Variants in PTPN11 observed in about 807,000 individuals in gnomAD.
PTPN11 encodes the protein tyrosine-protein phosphatase non-receptor type 11.
Under a neutral mutation model 78.8 loss-of-function variants are expected in PTPN11, and 6 were observed. The ratio of observed to expected loss-of-function variants is 0.08; its 90% CI spans 0.04 to 0.15. The LOEUF is 0.15. PTPN11 is among the 10% of genes least tolerant of loss of function. The pLI is 1.00. For missense variants in PTPN11, 386 were observed against 744.8 expected (o/e 0.52, Z 5.61); for synonymous variants, 221 against 263.5 (o/e 0.84, Z 1.56).
In PTPN11 at chr12:112,454,566, A is replaced by G. The variant is rs775493749; in HGVS notation, c.528A>G (p.Glu176=). 2.1e-5 allele frequency: 33 copies of G among 1,609,054 alleles called. No homozygotes were observed. The highest frequency in any genetic ancestry group is 1.1e-5 in the South Asian group (1 of 90,976). Reference sequence around the variant, plus strand: ...ATGTCATGTGTTTATCTTGAAAGGAACTGAAATACGACGTTGGTGGAGGAG... The same window carrying G: ...ATGTCATGTGTTTATCTTGAAAGGAGCTGAAATACGACGTTGGTGGAGGAG... The part of the protein sequence containing the change: ...KVTHVMIRCQ[E]LKYDVGGGER... The change falls in exon 5 of 16, where the codon GAA becomes GAG. Residue 176 remains glutamate (E), a splice_region_variant and synonymous_variant. Transcript: ENST00000351677.
chr12:112,469,396 G>A (rs1433086576), intron 6 of PTPN11, among the ~76,000 whole-genome samples: 1 of 151,654 alleles, frequency 6.6e-6, no homozygotes, highest in Non-Finnish European at 1.5e-5. Context: ...GAATGCCCCA[G>A]TATCTAGGTA....
intron 5 of PTPN11, chr12:112,454,906 G>C: frequency 1.8e-6 from 1 of 554,526 alleles, no homozygotes; most frequent in South Asian, 1.7e-5. Flanking sequence ...TACAACCTCT[G>C]CTTCCTGGGT....
At chr12:112,434,697 G>A (rs947664707) in intron 1 of PTPN11, among the ~76,000 whole-genome samples, 3 of 152,118 alleles carry the variant, frequency 2.0e-5, no homozygotes, top group African/African-American at 7.2e-5. Context: ...TGTGTGTGTC[G>A]AGTGTGTTTC....
At chr12:112,502,892 G>A (rs1300052908) in intron 14 of PTPN11, among the ~76,000 whole-genome samples, 3 of 152,202 alleles carry the variant, frequency 2.0e-5, no homozygotes, top group African/African-American at 7.2e-5. Flanking sequence ...TGTAACAAAG[G>A]AAGGTCATAT....
intron 13 of PTPN11, among the ~76,000 whole-genome samples, chr12:112,499,988 A>G (rs530697188): frequency 6.6e-6 from 1 of 151,514 alleles, no homozygotes; most frequent in South Asian, 2.1e-4. Context: ...TCAGGCCTGT[A>G]ACCCCAGCAC....
chr12:112,445,108 C>T (rs769829896), intron 1 of PTPN11, among the ~76,000 whole-genome samples: 1 of 151,988 alleles, frequency 6.6e-6, no homozygotes, highest in African/African-American at 2.4e-5. Context: ...TACACATACA[C>T]ATACCCCGAA....
chr12:112,480,518 A>G (rs1345630643), intron 9 of PTPN11, among the ~76,000 whole-genome samples: 1 of 150,854 alleles, frequency 6.6e-6, no homozygotes, highest in South Asian at 2.1e-4. Context: ...GGCGTGTGCC[A>G]CTACACCTGG....
intron 1 of PTPN11, among the ~76,000 whole-genome samples, chr12:112,445,851 G>T (rs945824857): frequency 4.0e-5 from 6 of 151,856 alleles, no homozygotes; most frequent in Non-Finnish European, 7.4e-5. Context: ...TGTTGGTCAG[G>T]CTGCTCTGGA....
chr12:112,454,501 C>A, intron 4 of PTPN11, 63 bp from the exon 5 acceptor site: 1 of 1,221,752 alleles, frequency 8.2e-7, no homozygotes, highest in Non-Finnish European at 1.2e-6. Flanking sequence ...CATGAGAGTG[C>A]TTGAAAACAC....
At chr12:112,467,295 G>A (rs923653902) in intron 6 of PTPN11, among the ~76,000 whole-genome samples, 8 of 152,084 alleles carry the variant, frequency 5.3e-5, no homozygotes, top group East Asian at 3.9e-4. Flanking sequence ...CTGCTCTAAA[G>A]GAATATCTGA....
chr12:112,421,574 T>G (rs1352215728), intron 1 of PTPN11, among the ~76,000 whole-genome samples: 2 of 152,096 alleles, frequency 1.3e-5, no homozygotes, highest in Admixed American at 6.6e-5. Flanking sequence ...CTTGGCCTCC[T>G]GAAGTGTTGG....
At chr12:112,427,561 A>G (rs1043796909) in intron 1 of PTPN11, among the ~76,000 whole-genome samples, 11 of 151,118 alleles carry the variant, frequency 7.3e-5, no homozygotes, top group African/African-American at 2.7e-4. Context: ...AAAAAAATCT[A>G]TATATCTATA....
chr12:112,420,448 C>T (rs770208982), intron 1 of PTPN11, among the ~76,000 whole-genome samples: 1 of 151,884 alleles, frequency 6.6e-6, no homozygotes, highest in African/African-American at 2.4e-5. Flanking sequence ...TAGGTTCAAG[C>T]GATTCTCCTG....
At chr12:112,471,672 A>T (rs1392852947) in intron 6 of PTPN11, among the ~76,000 whole-genome samples, 1 of 148,442 alleles carries the variant, frequency 6.7e-6, no homozygotes. Context: ...ACACAGTGGG[A>T]AAAAAAAAAC....
At chr12:112,435,161 G>C (rs2037770684) in intron 1 of PTPN11, among the ~76,000 whole-genome samples, 1 of 151,706 alleles carries the variant, frequency 6.6e-6, no homozygotes, top group South Asian at 2.1e-4. Context: ...TGGGACTACA[G>C]GTGTGTGCCA....
intron 1 of PTPN11, among the ~76,000 whole-genome samples, chr12:112,443,569 T>A (rs2037943128): frequency 6.6e-6 from 1 of 152,016 alleles, no homozygotes; most frequent in Non-Finnish European, 1.5e-5. Flanking sequence ...TTGGTCAGAC[T>A]AGTCTCGAAC....
At chr12:112,433,520 TA>T (rs1277467061) in intron 1 of PTPN11, among the ~76,000 whole-genome samples, 2 of 152,244 alleles carry the variant, frequency 1.3e-5, no homozygotes, top group Non-Finnish European at 2.9e-5. Flanking sequence ...TAAAAGTATG[TA>T]AAAATGATTG....
intron 10 of PTPN11, among the ~76,000 whole-genome samples, chr12:112,484,213 G>A (rs887070625): frequency 6.6e-6 from 1 of 152,174 alleles, no homozygotes; most frequent in Non-Finnish European, 1.5e-5. Flanking sequence ...AGGGAGAAAA[G>A]ATGAAATCGT....
At chr12:112,445,165 T>C (rs2037972408) in intron 1 of PTPN11, among the ~76,000 whole-genome samples, 1 of 152,156 alleles carries the variant, frequency 6.6e-6, no homozygotes, top group African/African-American at 2.4e-5. Flanking sequence ...GGAGTCTTGC[T>C]CTGTCGCCCA....
Sources: gnomAD v4.1 joint callset for allele counts (sites outside exome capture counted in the v4.1 genomes callset) on GRCh38, gnomAD v4.1.1 for gene constraint, MANE v1.5 for transcripts, NCBI Gene and HGNC (gene_info 2026-07-23, HGNC 2026-07-21) for gene names.